Variants in TMPRSS11E observed in about 807,000 individuals in gnomAD.
The protein encoded by TMPRSS11E is transmembrane serine protease 11E.
Under a neutral mutation model 48.1 loss-of-function variants are expected in TMPRSS11E, and 38 were observed. That is an observed-to-expected ratio of 0.79 (90% CI 0.61 to 1.04). The LOEUF is 1.04. TMPRSS11E is among the 50% of genes least tolerant of loss of function. The probability of loss-of-function intolerance (pLI) is 0.00; values close to 1 mark genes in which losing one functional copy is unlikely to be tolerated. For synonymous variants in TMPRSS11E, 158 were observed against 171.9 expected (o/e 0.92, Z 0.63); for missense variants, 530 against 510.8 (o/e 1.04, Z -0.36).
chr4:68,489,616 C>T (rs34164133), intron 9 of TMPRSS11E, among the ~76,000 whole-genome samples: 77,355 of 152,046 alleles, frequency 0.51, 21,880 homozygotes, highest in Non-Finnish European at 0.65. Context: ...TGCTGGTGGG[C>T]GCTCACTGAC....
intron 9 of TMPRSS11E, among the ~76,000 whole-genome samples, chr4:68,487,900 C>T (rs1402021645): frequency 7.6e-6 from 1 of 131,038 alleles, no homozygotes; most frequent in Non-Finnish European, 1.5e-5. Context: ...GAGATCATAT[C>T]ATTGCGCTCC....
intron 1 of TMPRSS11E, among the ~76,000 whole-genome samples, chr4:68,449,122 T>A (rs1728425162): frequency 6.6e-6 from 1 of 151,356 alleles, no homozygotes; most frequent in Non-Finnish European, 1.5e-5. Context: ...AAGAATCAGT[T>A]TTTTTTTTTT....
intron 1 of TMPRSS11E, among the ~76,000 whole-genome samples, chr4:68,458,562 T>C (rs375115208): frequency 2.0e-5 from 3 of 152,192 alleles, no homozygotes; most frequent in Non-Finnish European, 2.9e-5. Context: ...TTTATGTATG[T>C]TCAGGAGGAG....
chr4:68,461,842 GAA>G lies in TMPRSS11E; in HGVS notation c.36_37del (p.Arg13SerfsTer33). The G allele has an allele frequency of 6.2e-7, 1 of 1,614,186 alleles. No individual in the cohort carries two copies. Among genetic ancestry groups the G allele is most frequent in the African/African-American group, 1.3e-5 (1 of 75,058 alleles). On this transcript the variant is annotated frameshift_variant, in exon 2 of 10. Transcript: ENST00000305363. LOFTEE classifies it high-confidence loss of function. ...TTAGGCCAGATGTGGTGAGGGCTAG[GAA>G]AAGAGTTTGTTGGGAACCCTGGGTT... The part of the protein sequence containing the change: ...MYRPDVVRAR[K>X]RVCWEPWVIG...
At chr4:68,471,068 A>G (rs867382726) in intron 4 of TMPRSS11E, among the ~76,000 whole-genome samples, 2 of 151,952 alleles carry the variant, frequency 1.3e-5, no homozygotes, top group Admixed American at 6.6e-5. Flanking sequence ...AAGGGAGACC[A>G]TGAACAGACT....
intron 9 of TMPRSS11E, among the ~76,000 whole-genome samples, chr4:68,484,332 G>A (rs1231007688): frequency 2.6e-5 from 4 of 152,116 alleles, no homozygotes; most frequent in African/African-American, 7.2e-5. Flanking sequence ...CTTGAGACAA[G>A]GTCTTACCCT....
Position 68,477,615 on chromosome 4 carries a change from A to G in TMPRSS11E, c.954A>G (p.Ala318=). ...TGATGTTTGTGACAGGATTTGGAGC[A>G]CTGAAAAATGATGGTGAGCATCGGA... ...GDVMFVTGFG[A]LKNDGYSQNH... The change falls in exon 8 of 10, where the codon GCA becomes GCG. Residue 318 remains alanine (A), a synonymous_variant. Transcript: ENST00000305363. The G allele has an allele frequency of 6.2e-7, 1 of 1,612,578 alleles. No individual in the cohort carries two copies. Among genetic ancestry groups the G allele is most frequent in the Non-Finnish European group, 8.5e-7 (1 of 1,179,190 alleles).
At chr4:68,485,976 A>T (rs925978064) in intron 9 of TMPRSS11E, among the ~76,000 whole-genome samples, 1 of 152,080 alleles carries the variant, frequency 6.6e-6, no homozygotes, top group South Asian at 2.1e-4. Context: ...TTTGTAAAAA[A>T]TATTTCTCTT....
chr4:68,452,066 G>A (rs970354094), intron 1 of TMPRSS11E, among the ~76,000 whole-genome samples: 1 of 151,900 alleles, frequency 6.6e-6, no homozygotes, highest in African/African-American at 2.4e-5. Context: ...ATTGCTGTAT[G>A]CATTCTCTAA....
At chr4:68,488,946 T>A (rs1433580201) in intron 9 of TMPRSS11E, among the ~76,000 whole-genome samples, 5 of 152,222 alleles carry the variant, frequency 3.3e-5, no homozygotes, top group Non-Finnish European at 5.9e-5. Context: ...ATCTTGATGA[T>A]CTTCATTGAC....
intron 5 of TMPRSS11E, among the ~76,000 whole-genome samples, chr4:68,473,729 C>T (rs569902168): frequency 2.0e-5 from 3 of 152,176 alleles, no homozygotes; most frequent in South Asian, 4.2e-4. Context: ...CTTGTCAGTG[C>T]TATCAATACT....
intron 4 of TMPRSS11E, among the ~76,000 whole-genome samples, chr4:68,470,235 A>G (rs1729026837): frequency 1.3e-5 from 2 of 152,010 alleles, no homozygotes; most frequent in Admixed American, 1.3e-4. Context: ...AATGAAAAGG[A>G]TGACAAAGAA....
intron 4 of TMPRSS11E, among the ~76,000 whole-genome samples, chr4:68,471,033 A>G (rs190109290): frequency 5.3e-5 from 8 of 152,026 alleles, no homozygotes; most frequent in African/African-American, 1.9e-4. Flanking sequence ...TAATAGCCAT[A>G]TACTTAACTA....
intron 8 of TMPRSS11E, among the ~76,000 whole-genome samples, chr4:68,478,003 A>G (rs1295907570): frequency 6.6e-6 from 1 of 152,148 alleles, no homozygotes; most frequent in Middle Eastern, 3.2e-3. Flanking sequence ...ATTTCCTTGT[A>G]ATCTTAACAA....
rs978877636 is a variant in TMPRSS11E, at chr4:68,479,083, A to T, written c.1110+92A>T. ...ATCTACAGGAAGTTGCAAAGATAGT[A>T]CAGAGGAGTCACAACATCTCACCCA... On this transcript the variant is annotated intron_variant, in intron 9 of 9. Coordinates refer to ENST00000305363, the MANE Select transcript of TMPRSS11E (RefSeq NM_014058.4). 2.8e-5 allele frequency: 41 copies of T among 1,466,088 alleles called. No individual in the cohort carries two copies. In the African/African-American group the frequency reaches 4.1e-4, roughly 15 times the overall value. The allele number at this position is 1,466,088 out of a possible 1,614,324, so 90.8% of individuals were successfully genotyped here. A position where few individuals can be genotyped will look rare whatever the true frequency, so the allele number is the denominator to read the frequency against.
intron 1 of TMPRSS11E, among the ~76,000 whole-genome samples, chr4:68,456,195 A>T (rs1391325109): frequency 1.3e-5 from 2 of 152,008 alleles, no homozygotes; most frequent in African/African-American, 4.8e-5. Flanking sequence ...CAATCTTCAC[A>T]ACCTCCTTTT....
At chr4:68,478,735 G>C (rs1287453676) in intron 8 of TMPRSS11E, 114 bp from the exon 9 acceptor site, 1 of 1,130,330 alleles carries the variant, frequency 8.8e-7, no homozygotes, top group Non-Finnish European at 1.3e-6. Flanking sequence ...GATTACTGGC[G>C]TTAGTCACCG....
chr4:68,496,277 C>T (rs1384610554), intron 9 of TMPRSS11E, among the ~76,000 whole-genome samples: 2 of 151,694 alleles, frequency 1.3e-5, no homozygotes, highest in African/African-American at 4.8e-5. Context: ...CTCTTCACTC[C>T]CTTTTTTGGG....
intron 2 of TMPRSS11E, among the ~76,000 whole-genome samples, chr4:68,464,871 A>G (rs1728885719): frequency 6.6e-6 from 1 of 152,236 alleles, no homozygotes; most frequent in Non-Finnish European, 1.5e-5. Flanking sequence ...CAAAATCTTG[A>G]GTCTAACTTT....
Sources: gnomAD v4.1 joint callset for allele counts (sites outside exome capture counted in the v4.1 genomes callset) on GRCh38, gnomAD v4.1.1 for gene constraint, MANE v1.5 for transcripts, NCBI Gene and HGNC (gene_info 2026-07-23, HGNC 2026-07-21) for gene names.